CCDC38: variants seen among roughly 807,000 people sequenced by gnomAD.
CCDC38 encodes coiled-coil domain containing 38.
Under a neutral mutation model 72.8 loss-of-function variants are expected in CCDC38, and 69 were observed. That is an observed-to-expected ratio of 0.95 (90% CI 0.78 to 1.16). The LOEUF (loss-of-function observed/expected upper bound fraction) is 1.16, where lower values mean the gene tolerates loss of function less well. CCDC38 is among the 50% of genes most tolerant of loss of function. The probability of loss-of-function intolerance (pLI) is 0.00; values close to 1 mark genes in which losing one functional copy is unlikely to be tolerated. For synonymous variants in CCDC38, 201 were observed against 213.2 expected, an observed-to-expected ratio of 0.94 and a Z score of 0.50; for missense variants, 626 against 638.9, an observed-to-expected ratio of 0.98 and a Z score of 0.22.
intron 8 of CCDC38, among the ~76,000 whole-genome samples, chr12:95,893,638 C>A (rs112526092): frequency 6.6e-6 from 1 of 151,928 alleles, no homozygotes; most frequent in African/African-American, 2.4e-5. Context: ...TGCATCACCA[C>A]GCCCAGCTAA....
At chr12:95,881,584 C>T (rs2079700753) in intron 10 of CCDC38, 30 bp from the exon 11 acceptor site, 1 of 1,579,464 alleles carries the variant, frequency 6.3e-7, no homozygotes, top group Non-Finnish European at 8.7e-7. Context: ...AAGAAAATGT[C>T]TGATTTGTGA....
At position 95,918,951 on chromosome 12, in the gene CCDC38, T is replaced by C. The variant is rs56805798; in HGVS notation, c.63A>G (p.Lys21=). 1.1e-3 allele frequency: 1,793 copies of C among 1,610,172 alleles called. 19 individuals are homozygous for C. In the African/African-American group the frequency reaches 0.021, roughly 19 times the overall value. The change falls in exon 3 of 16, where the codon AAA becomes AAG. Residue 21 remains lysine, a synonymous_variant. Coordinates refer to ENST00000344280, the MANE Select transcript of CCDC38 (RefSeq NM_182496.3). ...AAAAGATCTTATAAGGCCTGTCCTC[T>C]TTGGTTGAGCCATCTTTTACTTTAC... ...SGGKVKDGST[K]EDRPYKIFFR... is the part of the protein sequence containing the mutation.
intron 2 of CCDC38, among the ~76,000 whole-genome samples, chr12:95,921,745 CAGAGATA>C (rs2080211286): frequency 1.3e-5 from 1 of 79,156 alleles, no homozygotes; most frequent in African/African-American, 6.9e-5. Flanking sequence ...CACCTTAAAT[CAGAGATA>C]GGAAGATAGG....
At chr12:95,919,483 AAGTATGG>A (rs2080180464) in intron 2 of CCDC38, 1 of 454,906 alleles carries the variant, frequency 2.2e-6, no homozygotes, top group Non-Finnish European at 4.4e-6. Flanking sequence ...TCAAATATAG[AAGTATGG>A]AGTATGGAGT....
At position 95,882,627 on chromosome 12, in the gene CCDC38, G is replaced by A. The variant is rs908335369; in HGVS notation, c.921-1073C>T. On this transcript the variant is annotated intron_variant, in intron 10 of 15. Transcript: ENST00000344280. ...TTGACATTACAGTCCACCCTTCTCTGCTCTTGGGTTGAGCAACATCACTTT... is the reference window on the plus strand; with the variant it reads ...TTGACATTACAGTCCACCCTTCTCTACTCTTGGGTTGAGCAACATCACTTT... 3.9e-5 allele frequency among the ~76,000 whole-genome samples: 6 copies of A among 152,116 alleles called. 1 individual carries two copies. Among genetic ancestry groups the A allele is most frequent in the Admixed American group, 3.3e-4 (5 of 15,264 alleles).
chr12:95,928,501 G>A (rs1364174272), intron 2 of CCDC38, among the ~76,000 whole-genome samples: 14 of 152,256 alleles, frequency 9.2e-5, no homozygotes, highest in South Asian at 2.1e-4. Flanking sequence ...CCCGTAGCTC[G>A]GAGTAATTTG....
At chr12:95,882,195 T>C (rs940366421) in intron 10 of CCDC38, among the ~76,000 whole-genome samples, 1 of 152,114 alleles carries the variant, frequency 6.6e-6, no homozygotes, top group Non-Finnish European at 1.5e-5. Context: ...AGAGAGTAAG[T>C]TGGCTGTTGT....
rs765648099 is a variant in CCDC38 at position 95,898,581 on chromosome 12, C to G, written c.520G>C (p.Asp174His). ...GATGAAACAAACATTTTCAGAGCGT[C>G]TACAGATCTCTGGTCATTTTCTCGA... ...FLRENDQRSVDALKMAAQETI... is the reference protein window; with the variant it reads ...FLRENDQRSVHALKMAAQETI... Residue 174 changes from aspartate (D) to histidine (H), a missense_variant, in exon 6 of 16, where the codon GAC becomes CAC. Asp to His is a moderately conservative substitution (Grantham distance 81). Coordinates refer to ENST00000344280, the MANE Select transcript of CCDC38 (RefSeq NM_182496.3). 1 of 1,614,152 alleles carries G rather than the reference C, an allele frequency of 6.2e-7. No individual in the cohort carries two copies. The highest frequency in any genetic ancestry group is 1.7e-5 in the Admixed American group (1 of 60,014).
intron 2 of CCDC38, among the ~76,000 whole-genome samples, chr12:95,931,735 C>T (rs954418197): frequency 5.3e-5 from 8 of 152,070 alleles, no homozygotes; most frequent in African/African-American, 1.9e-4. Context: ...AAAGTATAAA[C>T]ATTAATATAA....
At chr12:95,892,004 ACT>A (rs1282078672) in intron 8 of CCDC38, among the ~76,000 whole-genome samples, 3 of 149,948 alleles carry the variant, frequency 2.0e-5, no homozygotes, top group Non-Finnish European at 3.0e-5. Flanking sequence ...CATCCTGGAA[ACT>A]CTCTCTCCAG....
chr12:95,901,578 GAA>G (rs1162275060), intron 5 of CCDC38, among the ~76,000 whole-genome samples: 2 of 152,172 alleles, frequency 1.3e-5, no homozygotes, highest in African/African-American at 4.8e-5. Context: ...AGATCAGGGA[GAA>G]GAGGAGAACA....
intron 12 of CCDC38, 113 bp from the exon 13 acceptor site, chr12:95,878,459 A>C (rs2079661407): frequency 9.7e-7 from 1 of 1,025,826 alleles, no homozygotes. Flanking sequence ...TAGTGAGCCA[A>C]ATACAAGTCT....
chr12:95,906,437 T>G lies in CCDC38; in HGVS notation c.319A>C (p.Arg107=). The G allele has an allele frequency of 6.2e-7, 1 of 1,612,548 alleles. No individual in the cohort carries two copies. The highest frequency in any genetic ancestry group is 8.5e-7 in the Non-Finnish European group (1 of 1,178,934). Residue 107 remains arginine (R), a synonymous_variant, in exon 5 of 16, where the codon AGG becomes CGG. Transcript: ENST00000344280. The stretch of plus-strand genomic sequence containing the variant: ...TCATTAATAAATTCATGGACAGTCC[T>G]TTTTGTGTCGGAACCTGTGAAGAAA... ...PRLIEGSDTK[R]TVHEFINDQR...
chr12:95,893,663 T>C (rs2079855452), intron 8 of CCDC38, among the ~76,000 whole-genome samples: 1 of 151,938 alleles, frequency 6.6e-6, no homozygotes, highest in Non-Finnish European at 1.5e-5. Context: ...TTGTTTTTTG[T>C]AGAGAAGGGG....
chr12:95,873,024 G>A (rs890203956), intron 13 of CCDC38, among the ~76,000 whole-genome samples: 16 of 152,128 alleles, frequency 1.1e-4, no homozygotes, highest in Non-Finnish European at 2.9e-5. Context: ...ATAATGGGTG[G>A]AATATTTTTT....
At chr12:95,876,869 G>T (rs529652503) in intron 13 of CCDC38, among the ~76,000 whole-genome samples, 1 of 152,172 alleles carries the variant, frequency 6.6e-6, no homozygotes, top group Admixed American at 6.5e-5. Context: ...ACTAACGCAA[G>T]CCTCCTTAAC....
intron 2 of CCDC38, among the ~76,000 whole-genome samples, chr12:95,922,378 G>T (rs2080218535): frequency 6.6e-6 from 1 of 152,214 alleles, no homozygotes; most frequent in African/African-American, 2.4e-5. Context: ...TGCCTGCAAT[G>T]CAGTGCCACA....
chr12:95,893,437 C>T (rs981907250), intron 8 of CCDC38, among the ~76,000 whole-genome samples: 1 of 88,936 alleles, frequency 1.1e-5, no homozygotes, highest in South Asian at 4.4e-4. Flanking sequence ...CTCCCTCCCT[C>T]CCTCCCTTCC....
chr12:95,916,311 T>C (rs938152585), intron 4 of CCDC38, among the ~76,000 whole-genome samples: 1 of 131,852 alleles, frequency 7.6e-6, no homozygotes, highest in African/African-American at 2.5e-5. Context: ...CTCTGAAAAA[T>C]TTTTTTACAG....
Sources: gnomAD v4.1 joint callset for allele counts (sites outside exome capture counted in the v4.1 genomes callset) on GRCh38, gnomAD v4.1.1 for gene constraint, MANE v1.5 for transcripts, NCBI Gene and HGNC (gene_info 2026-07-23, HGNC 2026-07-21) for gene names.